The following INPP4A variants were observed in gnomAD, a reference collection of about 807,000 sequenced individuals.
INPP4A encodes inositol polyphosphate-4-phosphatase type I A, also known as inositol polyphosphate-4-phosphatase, type I, 107kD.
Under a neutral mutation model 119.8 loss-of-function variants are expected in INPP4A, and 33 were observed. That is an observed-to-expected ratio of 0.28 (90% CI 0.21 to 0.37). The LOEUF (loss-of-function observed/expected upper bound fraction) is 0.37. Among genes scored for constraint, INPP4A ranks in the 10% least tolerant of loss-of-function variants. INPP4A has a pLI of 1.00. For synonymous variants in INPP4A, 496 were observed against 500.7 expected (o/e 0.99, Z 0.12); for missense variants, 956 against 1,289.9 (o/e 0.74, Z 3.97).
At chr2:98,470,044 C>T (rs1414575784) in intron 1 of INPP4A, among the ~76,000 whole-genome samples, 3 of 152,222 alleles carry the variant, frequency 2.0e-5, no homozygotes, top group Non-Finnish European at 4.4e-5. Context: ...GGCCAACGCA[C>T]GTGACCTCCT....
intron 23 of INPP4A, among the ~76,000 whole-genome samples, chr2:98,575,465 A>C (rs1698259482): frequency 6.6e-6 from 1 of 152,224 alleles, no homozygotes; most frequent in African/African-American, 2.4e-5. Context: ...TGTCAGTTAC[A>C]ACTTTACAAA....
intron 1 of INPP4A, among the ~76,000 whole-genome samples, chr2:98,495,652 A>G (rs1290881669): frequency 6.6e-6 from 1 of 152,248 alleles, no homozygotes; most frequent in Non-Finnish European, 1.5e-5. Flanking sequence ...GTGGATTCAG[A>G]GATTTTCTGA....
intron 10 of INPP4A, among the ~76,000 whole-genome samples, chr2:98,542,669 A>T (rs1260865943): frequency 6.6e-6 from 1 of 152,018 alleles, no homozygotes; most frequent in Admixed American, 6.5e-5. Flanking sequence ...TTTTGTTTTT[A>T]AATCCATCTT....
chr2:98,448,225 G>A (rs1285792110), intron 1 of INPP4A, among the ~76,000 whole-genome samples: 3 of 151,276 alleles, frequency 2.0e-5, no homozygotes, highest in African/African-American at 4.9e-5. Context: ...GTATAGTGGC[G>A]TGTGCTCGTA....
At position 98,568,761 on chromosome 2, in the gene INPP4A, C is replaced by A; in HGVS notation, c.2518+93C>A. On this transcript the variant is annotated intron_variant, in intron 22 of 24. Coordinates refer to ENST00000409851, the MANE Select transcript of INPP4A (RefSeq NM_001134225.2). ...CTGGCTTGCCCTGCCTCTGTGAGTG[C>A]ATGCCTGTGCATGTGTGTGCACTGT... 3 of 714,630 alleles carry A rather than the reference C, an allele frequency of 4.2e-6. No individual in the cohort carries two copies. In the South Asian group the frequency reaches 4.6e-5, roughly 11 times the overall value. The allele number at this position is 714,630 out of a possible 1,614,324, so 44.3% of individuals were successfully genotyped here. A position where few individuals can be genotyped will look rare whatever the true frequency, so the allele number is the denominator to read the frequency against.
At chr2:98,529,537 C>T (rs1283172319) in intron 4 of INPP4A, among the ~76,000 whole-genome samples, 1 of 152,016 alleles carries the variant, frequency 6.6e-6, no homozygotes, top group African/African-American at 2.4e-5. Flanking sequence ...AGATCCAGAC[C>T]ATCCTGGCTA....
intron 20 of INPP4A, 70 bp downstream of exon 20, chr2:98,565,836 C>G: frequency 6.3e-7 from 1 of 1,575,870 alleles, no homozygotes; most frequent in Non-Finnish European, 8.6e-7. Context: ...AGGGAAGGTA[C>G]TCTTCTGAAT....
chr2:98,471,586 G>A (rs1178137961), intron 1 of INPP4A, among the ~76,000 whole-genome samples: 1 of 152,222 alleles, frequency 6.6e-6, no homozygotes, highest in Non-Finnish European at 1.5e-5. Context: ...GCCTCAGGTT[G>A]AGCGCTCAGG....
chr2:98,560,386 T>C (rs1695253319), intron 17 of INPP4A, among the ~76,000 whole-genome samples: 1 of 152,206 alleles, frequency 6.6e-6, no homozygotes, highest in African/African-American at 2.4e-5. Flanking sequence ...TGTGCATTGC[T>C]AGTGAAGCCT....
At chr2:98,448,951 C>T (rs1344341209) in intron 1 of INPP4A, among the ~76,000 whole-genome samples, 2 of 152,148 alleles carry the variant, frequency 1.3e-5, no homozygotes, top group African/African-American at 2.4e-5. Context: ...CATCCTCCTG[C>T]GTTGGCCGAC....
In INPP4A at chr2:98,569,359, G is replaced by C. The variant is rs918849487; in HGVS notation, c.2518+691G>C. The C allele has an allele frequency of 6.6e-6, 1 of 152,370 alleles. No homozygotes were observed. Among genetic ancestry groups the C allele is most frequent in the Admixed American group, 6.5e-5 (1 of 15,284 alleles). 9.4% of individuals were successfully genotyped at this position (152,370 alleles called of 1,614,324 possible). A position where few individuals can be genotyped will look rare whatever the true frequency, so the allele number is the denominator to read the frequency against. On this transcript the variant is annotated intron_variant, in intron 22 of 24. Coordinates refer to ENST00000409851, the MANE Select transcript of INPP4A (RefSeq NM_001134225.2). The surrounding 1 kb of genome is among the most constrained non-coding windows in gnomAD (Gnocchi z 5.1). ...GAGGGAAAGCTGGTCCCAGAGTGCC[G>C]GCCTCTCTGTGCAGGCGCTGCCACA...
chr2:98,497,344 TG>T (rs1459693986), intron 1 of INPP4A, among the ~76,000 whole-genome samples: 3 of 152,186 alleles, frequency 2.0e-5, no homozygotes, highest in Non-Finnish European at 4.4e-5. Flanking sequence ...AAGGGAAATG[TG>T]GGGTGGGAGC....
At chr2:98,556,487 G>A (rs1190696515) in intron 16 of INPP4A, among the ~76,000 whole-genome samples, 1 of 152,206 alleles carries the variant, frequency 6.6e-6, no homozygotes, top group African/African-American at 2.4e-5. Flanking sequence ...CCTGCAGATG[G>A]CCTTAAAGCT....
chr2:98,550,936 G>T (rs1478922158), intron 13 of INPP4A, among the ~76,000 whole-genome samples: 1 of 151,922 alleles, frequency 6.6e-6, no homozygotes, highest in African/African-American at 2.4e-5. Flanking sequence ...AATATTGGGG[G>T]CCTGGGAAGA....
intron 1 of INPP4A, among the ~76,000 whole-genome samples, chr2:98,480,462 C>T (rs1044629649): frequency 1.3e-5 from 2 of 152,202 alleles, no homozygotes; most frequent in African/African-American, 2.4e-5. Flanking sequence ...TCTTACGACA[C>T]AGAGCAGCTT....
At chr2:98,529,451 A>G (rs1688787641) in intron 4 of INPP4A, among the ~76,000 whole-genome samples, 1 of 152,116 alleles carries the variant, frequency 6.6e-6, no homozygotes, top group African/African-American at 2.4e-5. Flanking sequence ...AAACCACAGA[A>G]TTGGGCTGGG....
chr2:98,457,224 A>G (rs1696278498), intron 1 of INPP4A, among the ~76,000 whole-genome samples: 1 of 152,194 alleles, frequency 6.6e-6, no homozygotes, highest in Non-Finnish European at 1.5e-5. Context: ...AGTTTTAAGC[A>G]GTAGTGGATG....
intron 4 of INPP4A, among the ~76,000 whole-genome samples, chr2:98,522,461 G>A (rs149465715): frequency 1.1e-3 from 166 of 152,108 alleles, no homozygotes; most frequent in Middle Eastern, 6.8e-3. Context: ...TATGAAGTTT[G>A]GAAGTTAGTC....
chr2:98,452,478 C>T (rs907355595), intron 1 of INPP4A, among the ~76,000 whole-genome samples: 1 of 152,170 alleles, frequency 6.6e-6, no homozygotes, highest in Non-Finnish European at 1.5e-5. Context: ...TCAAGACTCC[C>T]CTACTCCCCA....
Sources: allele counts gnomAD v4.1 joint callset (sites outside exome capture counted in the v4.1 genomes callset), GRCh38; gene constraint gnomAD v4.1.1; non-coding constraint Gnocchi (gnomAD v3.1); transcripts MANE v1.5; gene names NCBI Gene and HGNC (gene_info 2026-07-23, HGNC 2026-07-21).